CADPS2: variants seen among roughly 807,000 people sequenced by gnomAD.
CADPS2 encodes the protein calcium-dependent secretion activator 2.
In CADPS2, 93 loss-of-function variants were observed where a neutral mutation model predicts 172.5. The observed-to-expected ratio is 0.54, with a 90% confidence interval of 0.46 to 0.64. The LOEUF is 0.64. Among genes scored for constraint, CADPS2 ranks in the 30% least tolerant of loss-of-function variants. The pLI, the probability that CADPS2 is intolerant of heterozygous loss-of-function variation, is 0.00. For missense variants in CADPS2, 1,420 were observed against 1,565.9 expected (o/e 0.91, Z 1.57); for synonymous variants, 546 against 555.2 (o/e 0.98, Z 0.23).
At chr7:122,676,911 G>A (rs867591060) in intron 2 of CADPS2, 2 of 453,376 alleles carry the variant, frequency 4.4e-6, no homozygotes, top group African/African-American at 4.0e-5. Context: ...TTTTGTGCCA[G>A]GCTTTTTATC....
intron 28 of CADPS2, among the ~76,000 whole-genome samples, chr7:122,327,785 T>C (rs2034167626): frequency 6.6e-6 from 1 of 151,888 alleles, no homozygotes; most frequent in Non-Finnish European, 1.5e-5. Flanking sequence ...AAAAAGAATT[T>C]GGGAATAAAA....
intron 5 of CADPS2, among the ~76,000 whole-genome samples, chr7:122,620,542 CAA>C (rs2075479285): frequency 1.3e-5 from 2 of 152,034 alleles, no homozygotes; most frequent in Admixed American, 6.6e-5. Flanking sequence ...GAAAGCTGTA[CAA>C]AGAGTATTAG....
chr7:122,828,630 GTTCC>G (rs1805629486), intron 1 of CADPS2, among the ~76,000 whole-genome samples: 2 of 152,090 alleles, frequency 1.3e-5, no homozygotes, highest in South Asian at 4.1e-4. Flanking sequence ...TAAGTTATCT[GTTCC>G]TTCCTTCTTC....
intron 8 of CADPS2, among the ~76,000 whole-genome samples, chr7:122,542,902 C>G (rs1211575028): frequency 6.6e-6 from 1 of 152,008 alleles, no homozygotes; most frequent in Non-Finnish European, 1.5e-5. Context: ...ACAACCACTA[C>G]CAACAAAGAC....
chr7:122,391,078 A>C (rs1360583831), intron 22 of CADPS2, among the ~76,000 whole-genome samples: 1 of 152,040 alleles, frequency 6.6e-6, no homozygotes, highest in African/African-American at 2.4e-5. Context: ...TTGTATTTTT[A>C]ATTCTTTATG....
chr7:122,869,513 A>T (rs1180059436), intron 1 of CADPS2, among the ~76,000 whole-genome samples: 1 of 152,054 alleles, frequency 6.6e-6, no homozygotes, highest in African/African-American at 2.4e-5. Flanking sequence ...GGGAGATAAA[A>T]CTTTCTCAGA....
chr7:122,323,094 T>C (rs1455440723), intron 29 of CADPS2, among the ~76,000 whole-genome samples: 5 of 152,218 alleles, frequency 3.3e-5, no homozygotes. Flanking sequence ...GAATAATGAA[T>C]CTATGTATGA....
At chr7:122,736,617 T>C (rs1259027512) in intron 2 of CADPS2, among the ~76,000 whole-genome samples, 1 of 152,186 alleles carries the variant, frequency 6.6e-6, no homozygotes, top group African/African-American at 2.4e-5. Context: ...AAGATAGCAA[T>C]TTACTATTGA....
chr7:122,451,865 G>T (rs564122275), intron 14 of CADPS2, among the ~76,000 whole-genome samples: 3 of 152,158 alleles, frequency 2.0e-5, no homozygotes, highest in African/African-American at 7.2e-5. Context: ...GTCTTAACTG[G>T]TTCTCTTCCA....
intron 9 of CADPS2, 107 bp downstream of exon 9, chr7:122,513,142 C>A: frequency 1.4e-6 from 1 of 726,830 alleles, no homozygotes; most frequent in Non-Finnish European, 2.3e-6. Context: ...GTGGCTTAAA[C>A]ATATTTTAAT....
intron 9 of CADPS2, among the ~76,000 whole-genome samples, chr7:122,510,472 C>T (rs945048758): frequency 2.0e-5 from 3 of 152,156 alleles, no homozygotes; most frequent in Non-Finnish European, 4.4e-5. Context: ...CTCAGTGGCT[C>T]CTCGAGTGTT....
At chr7:122,803,451 T>G (rs189678134) in intron 1 of CADPS2, among the ~76,000 whole-genome samples, 3 of 152,310 alleles carry the variant, frequency 2.0e-5, no homozygotes, top group Non-Finnish European at 4.4e-5. Flanking sequence ...TTTTGGAGTC[T>G]GAAAGAACGC....
intron 1 of CADPS2, among the ~76,000 whole-genome samples, chr7:122,854,027 C>T (rs1197394554): frequency 1.3e-5 from 2 of 152,092 alleles, no homozygotes; most frequent in Non-Finnish European, 2.9e-5. Flanking sequence ...GACTCCAGGC[C>T]ATAGTAACTG....
intron 11 of CADPS2, among the ~76,000 whole-genome samples, chr7:122,489,684 G>A (rs1404614357): frequency 1.3e-5 from 2 of 152,040 alleles, no homozygotes; most frequent in Non-Finnish European, 2.9e-5. Context: ...AATTCTAGAA[G>A]GTAATGGTTC....
Position 122,833,024 on chromosome 7 carries a change from G to A in CADPS2, c.339+52975C>T, listed in dbSNP as rs1288810097. ...TAACATCTATTTCCTATGAAAAATT[G>A]TGAGAAACAATCATCTAGGGAGGAA... On this transcript the variant is annotated intron_variant, in intron 1 of 29. Transcript: ENST00000449022. 3.3e-5 allele frequency among the ~76,000 whole-genome samples: 5 copies of A among 152,244 alleles called. No individual in the cohort carries two copies. The East Asian group carries it at 9.7e-4, about 29-fold the overall frequency.
intron 24 of CADPS2, among the ~76,000 whole-genome samples, chr7:122,381,149 A>C (rs781070252): frequency 1.0e-3 from 157 of 152,152 alleles, no homozygotes; most frequent in Non-Finnish European, 2.0e-3. Context: ...AAGGCCCCCC[A>C]GCTCCTGGCT....
At chr7:122,444,392 A>C (rs1296155233) in intron 15 of CADPS2, among the ~76,000 whole-genome samples, 1 of 152,152 alleles carries the variant, frequency 6.6e-6, no homozygotes, top group Non-Finnish European at 1.5e-5. Flanking sequence ...GTTATTTTCC[A>C]AAGTAGGTTG....
intron 23 of CADPS2, among the ~76,000 whole-genome samples, 187 bp downstream of exon 23, chr7:122,388,396 A>T (rs757188533): frequency 1.3e-5 from 2 of 152,110 alleles, no homozygotes; most frequent in Non-Finnish European, 2.9e-5. Flanking sequence ...GAAAAAAAGT[A>T]TCCAGCCAAT....
At chr7:122,763,172 A>G (rs2093445025) in intron 1 of CADPS2, among the ~76,000 whole-genome samples, 1 of 152,178 alleles carries the variant, frequency 6.6e-6, no homozygotes, top group African/African-American at 2.4e-5. Context: ...ATTTAGGAAA[A>G]ACAAAAGGAA....
Sources: allele counts gnomAD v4.1 joint callset (sites outside exome capture counted in the v4.1 genomes callset), GRCh38; gene constraint gnomAD v4.1.1; transcripts MANE v1.5; gene names NCBI Gene and HGNC (gene_info 2026-07-23, HGNC 2026-07-21).